PREX1: variants seen among roughly 807,000 people sequenced by gnomAD.
The protein encoded by PREX1 is phosphatidylinositol-3,4,5-trisphosphate dependent Rac exchange factor 1.
In PREX1, 41 loss-of-function variants were observed where a neutral mutation model predicts 198.3. That is an observed-to-expected ratio of 0.21 (90% confidence interval 0.16 to 0.27). The LOEUF (loss-of-function observed/expected upper bound fraction) is 0.27, where lower values mean the gene tolerates loss of function less well. Ranked by LOEUF, PREX1 falls within the 10% of genes least tolerant of loss-of-function variation. The probability of loss-of-function intolerance (pLI) is 1.00; values close to 1 mark genes in which losing one functional copy is unlikely to be tolerated. For missense variants in PREX1, 1,620 were observed against 2,200.7 expected, an observed-to-expected ratio of 0.74 and a Z score of 5.28; for synonymous variants, 843 against 887.2, an observed-to-expected ratio of 0.95 and a Z score of 0.89.
rs149151112 is a variant in PREX1, at chr20:48,666,521, TTTA to T, written c.1666-169_1666-167del. ...CAAAACGGGTTTGTGATTATTATTT[TTTA>T]TTATTATTATTATTTTTTTGAGACA... On this transcript the variant is annotated intron_variant, in intron 14 of 39. Transcript: ENST00000371941. This position sits in a 1 kb window ranked among gnomAD's most constrained non-coding sequence, Gnocchi z 4.3. Among the ~76,000 whole-genome samples, 15 of 151,928 alleles carry T rather than the reference TTTA, an allele frequency of 9.9e-5. No individual in the cohort carries two copies. Among genetic ancestry groups the T allele is most frequent in the Non-Finnish European group, 1.5e-4 (10 of 67,968 alleles).
intron 5 of PREX1, among the ~76,000 whole-genome samples, chr20:48,717,019 T>C (rs1397819547): frequency 6.6e-6 from 1 of 152,216 alleles, no homozygotes; most frequent in Non-Finnish European, 1.5e-5. Flanking sequence ...CTATTCTTTT[T>C]TTAAAAGTAA....
rs2089820679 is a variant in PREX1 at position 48,691,833 on chromosome 20, A to G, written c.1037-737T>C. Among the ~76,000 whole-genome samples, 1 of 152,244 alleles carries G rather than the reference A, an allele frequency of 6.6e-6. No individual in the cohort carries two copies. The highest frequency in any genetic ancestry group is 1.5e-5 in the Non-Finnish European group (1 of 68,040). ...CAAACAGCTACATGCAGAGACATGG[A>G]TGAACCCCACTAACGTGGTGTTGAG... On this transcript the variant is annotated intron_variant, in intron 8 of 39. Coordinates refer to ENST00000371941, the MANE Select transcript of PREX1 (RefSeq NM_020820.4). The surrounding 1 kb of genome is among the most constrained non-coding windows in gnomAD (Gnocchi z 5.0).
chr20:48,790,316 G>C (rs1381392517), intron 1 of PREX1, among the ~76,000 whole-genome samples: 1 of 152,150 alleles, frequency 6.6e-6, no homozygotes, highest in Non-Finnish European at 1.5e-5. Flanking sequence ...GGCTGACCCA[G>C]TCTAACCACC....
intron 32 of PREX1, among the ~76,000 whole-genome samples, chr20:48,635,929 C>G (rs1011679389): frequency 3.3e-5 from 5 of 152,272 alleles, no homozygotes; most frequent in Admixed American, 2.0e-4. Flanking sequence ...AAGTGATGGC[C>G]AATCTGTGCC....
intron 14 of PREX1, among the ~76,000 whole-genome samples, chr20:48,667,800 G>A (rs2089649568): frequency 6.6e-6 from 1 of 152,228 alleles, no homozygotes; most frequent in Non-Finnish European, 1.5e-5. Flanking sequence ...TGTCATCTTG[G>A]TGGGGCAGTT....
intron 21 of PREX1, among the ~76,000 whole-genome samples, chr20:48,652,011 C>T (rs2089502106): frequency 6.6e-6 from 1 of 152,142 alleles, no homozygotes; most frequent in Non-Finnish European, 1.5e-5. Context: ...GCCCTGTGGA[C>T]ACCATGATTT....
At chr20:48,672,531 T>C (rs2089682345) in intron 14 of PREX1, among the ~76,000 whole-genome samples, 1 of 152,240 alleles carries the variant, frequency 6.6e-6, no homozygotes, top group Admixed American at 6.5e-5. Flanking sequence ...CGGGCAGGGG[T>C]CTGGGCCCTT....
chr20:48,819,569 C>T (rs1318662445), intron 1 of PREX1, among the ~76,000 whole-genome samples: 3 of 152,218 alleles, frequency 2.0e-5, no homozygotes, highest in Admixed American at 1.3e-4. Context: ...CTCAGCCTCT[C>T]CCGGCTTTAG....
intron 3 of PREX1, among the ~76,000 whole-genome samples, chr20:48,743,849 T>A (rs1396756603): frequency 6.6e-6 from 1 of 152,204 alleles, no homozygotes; most frequent in Non-Finnish European, 1.5e-5. Context: ...GGCCCTTGGC[T>A]GAATGACTGC....
At chr20:48,837,302 C>T in the PREX1 span, among the ~76,000 whole-genome samples, 1 of 152,166 alleles carries the variant, frequency 6.6e-6, no homozygotes, top group Admixed American at 6.5e-5. Flanking sequence ...ACCATTAGAC[C>T]CAGCAATGCT....
At chr20:48,872,891 G>A in the PREX1 span, among the ~76,000 whole-genome samples, 1 of 152,244 alleles carries the variant, frequency 6.6e-6, no homozygotes, top group Non-Finnish European at 1.5e-5. Context: ...GAGGATGAAA[G>A]AGGAAGTAAC....
intron 3 of PREX1, among the ~76,000 whole-genome samples, chr20:48,739,354 A>G (rs934929825): frequency 2.0e-5 from 3 of 152,192 alleles, no homozygotes; most frequent in African/African-American, 7.2e-5. Context: ...TTTCAGACAC[A>G]TATTTTTTTT....
chr20:48,703,388 C>T (rs1168206669), intron 6 of PREX1, among the ~76,000 whole-genome samples: 1 of 152,206 alleles, frequency 6.6e-6, no homozygotes, highest in Non-Finnish European at 1.5e-5. Flanking sequence ...GGCATGCCCA[C>T]AGGCAGATCT....
At chr20:48,881,178 C>T in the PREX1 span, among the ~76,000 whole-genome samples, 2 of 151,824 alleles carry the variant, frequency 1.3e-5, no homozygotes, top group South Asian at 2.1e-4. Context: ...AGGAGTATAG[C>T]GAAAACCAGA....
intron 1 of PREX1, among the ~76,000 whole-genome samples, chr20:48,749,535 A>C (rs1463191502): frequency 2.0e-5 from 3 of 152,206 alleles, no homozygotes; most frequent in Non-Finnish European, 4.4e-5. Context: ...AGGTAAGCAG[A>C]GAGGAGGCTA....
At chr20:48,718,730 T>C (rs1443595082) in intron 5 of PREX1, among the ~76,000 whole-genome samples, 1 of 152,226 alleles carries the variant, frequency 6.6e-6, no homozygotes, top group Non-Finnish European at 1.5e-5. Context: ...AAACTTAATG[T>C]AGTTATATTA....
intron 1 of PREX1, among the ~76,000 whole-genome samples, chr20:48,760,208 C>T (rs538584613): frequency 3.4e-4 from 51 of 152,096 alleles, no homozygotes; most frequent in Non-Finnish European, 6.6e-4. Context: ...ACAGAACCCA[C>T]TGTGCTTCCT....
At chr20:48,652,895 G>A (rs532356832) in intron 20 of PREX1, among the ~76,000 whole-genome samples, 189 bp from the exon 21 acceptor site, 3 of 152,260 alleles carry the variant, frequency 2.0e-5, no homozygotes, top group African/African-American at 7.2e-5. Context: ...TGTGAGGCAG[G>A]GACATGGGTG....
At chr20:48,734,857 C>T (rs761347774) in intron 3 of PREX1, among the ~76,000 whole-genome samples, 4 of 152,156 alleles carry the variant, frequency 2.6e-5, no homozygotes, top group Non-Finnish European at 5.9e-5. Context: ...ACTCAGGGGC[C>T]TGAATAACTT....
Sources: allele counts gnomAD v4.1 joint callset (sites outside exome capture counted in the v4.1 genomes callset), GRCh38; gene constraint gnomAD v4.1.1; non-coding constraint Gnocchi (gnomAD v3.1); transcripts MANE v1.5; gene names NCBI Gene and HGNC (gene_info 2026-07-23, HGNC 2026-07-21).